Variants in NBPF12 observed in about 807,000 individuals in gnomAD.
The protein encoded by NBPF12 is NBPF family member NBPF12.
NBPF12 carries 115 observed loss-of-function variants against 146.4 expected under a neutral mutation model. That is an observed-to-expected ratio of 0.79 (90% CI 0.68 to 0.92). The LOEUF is 0.92. NBPF12 is among the 40% of genes least tolerant of loss of function. The pLI is 0.00. For missense variants in NBPF12, 1,205 were observed against 1,326.8 expected (o/e 0.91, Z 1.43); for synonymous variants, 385 against 508.9 (o/e 0.76, Z 3.28).
chr1:146,950,951 G>A (rs1655300137), intron 1 of NBPF12, among the ~76,000 whole-genome samples: 1 of 152,044 alleles, frequency 6.6e-6, no homozygotes. Context: ...TCATAGAATA[G>A]GTAGTTGTTT....
chr1:146,996,053 A>C (rs1243344495), exon 34 of NBPF12: 1 of 142,446 alleles, frequency 7.0e-6, no homozygotes, highest in Non-Finnish European at 1.5e-5. Context: ...TTTTGTCCAA[A>C]GTTAATTTTA....
chr1:146,948,248 T>C (rs1257083843), upstream of NBPF12, among the ~76,000 whole-genome samples: 3 of 151,542 alleles, frequency 2.0e-5, no homozygotes, highest in African/African-American at 2.4e-5. Context: ...TGACCTCAAG[T>C]GATCCACCTG....
At chr1:146,972,334 C>T (rs1288498048) in intron 13 of NBPF12, among the ~76,000 whole-genome samples, 3 of 151,146 alleles carry the variant, frequency 2.0e-5, no homozygotes, top group Non-Finnish European at 4.4e-5. Context: ...GCAGAGGTGG[C>T]AGTGAGCTGA....
Position 146,994,400 on chromosome 1 carries a change from C to G in NBPF12, c.4199C>G (p.Ser1400Trp), listed in dbSNP as rs200985386. ...CAGGACTCACTGGATAGATGTTATT[C>G]GACTCCATCAATGTACTTTGAACTA... is the stretch of plus-strand genomic sequence containing the variant. The change falls in exon 34 of 34, where the codon TCG becomes TGG. Residue 1400 changes from serine to tryptophan, a missense_variant. Ser to Trp is a radical substitution (Grantham distance 177). Around this residue, in one of 16 missense-constraint regions of NBPF12, gnomAD observed 210 missense variants for 94.4 expected, o/e 2.22. Transcript: ENST00000617844. 9.3e-6 allele frequency: 15 copies of G among 1,612,174 alleles called. No individual in the cohort carries two copies. In the African/African-American group the frequency reaches 1.9e-4, roughly 20 times the overall value.
intron 18 of NBPF12, among the ~76,000 whole-genome samples, chr1:146,978,002 T>C (rs1657154066): frequency 6.6e-6 from 1 of 152,004 alleles, no homozygotes; most frequent in East Asian, 1.9e-4. Context: ...ACAATGTCCA[T>C]GGAGTTTCTA....
upstream of NBPF12, among the ~76,000 whole-genome samples, chr1:146,945,315 T>G (rs1242823960): frequency 3.3e-5 from 5 of 151,146 alleles, no homozygotes; most frequent in Non-Finnish European, 7.4e-5. Context: ...TCCTCTGATT[T>G]GTGGGTGCCA....
At chr1:146,965,497 T>A (rs1360519971) in intron 8 of NBPF12, among the ~76,000 whole-genome samples, 1 of 150,920 alleles carries the variant, frequency 6.6e-6, no homozygotes, top group Non-Finnish European at 1.5e-5. Context: ...TATTAATAAG[T>A]CTTGGCTGGG....
chr1:146,994,475 A>T, exon 34 of NBPF12: 1 of 1,609,554 alleles, frequency 6.2e-7, no homozygotes. Flanking sequence ...TTTGAGGAAC[A>T]GCACATCACC....
At chr1:146,994,910 C>G (rs1341496246) in exon 34 of NBPF12, 46 of 407,660 alleles carry the variant, frequency 1.1e-4, no homozygotes, top group African/African-American at 8.4e-4. Flanking sequence ...TATACCTACT[C>G]AAGGTCAGTG....
rs1655972882 is a variant in NBPF12, at chr1:146,963,203, C to G, written c.387C>G (p.Ala129=). ...GCTCATTGAATGAGCATCTCCAGGC[C>G]CTCCTCACTCCGGATGAGCCGGACA... Residue 129 remains alanine (A), a synonymous_variant, in exon 6 of 34, where the codon GCC becomes GCG. Transcript: ENST00000617844. The G allele has an allele frequency of 1.9e-6, 3 of 1,597,024 alleles. No individual in the cohort carries two copies. The East Asian group carries it at 6.7e-5, about 36-fold the overall frequency.
At chr1:146,994,284 G>C in intron 33 of NBPF12, 48 bp from the exon 37 acceptor site, 1 of 1,611,096 alleles carries the variant, frequency 6.2e-7, no homozygotes, top group Non-Finnish European at 8.5e-7. Flanking sequence ...AGGCTCTGTG[G>C]TGTCTGACTT....
At chr1:146,966,327 A>G in intron 8 of NBPF12, 137 bp from the exon 12 acceptor site, 2 of 825,092 alleles carry the variant, frequency 2.4e-6, no homozygotes, top group Non-Finnish European at 4.2e-6. Context: ...AAGACTGGAG[A>G]TGACAAGAGT....
At chr1:146,940,362 G>C (rs1287012840) in intron 1 of NBPF12, among the ~76,000 whole-genome samples, 2 of 151,766 alleles carry the variant, frequency 1.3e-5, no homozygotes, top group Admixed American at 6.6e-5. Flanking sequence ...CCAGCATTTC[G>C]GGAGGCCAAG....
intron 33 of NBPF12, among the ~76,000 whole-genome samples, chr1:146,994,126 CTG>C (rs1658364537): frequency 8.1e-6 from 1 of 122,996 alleles, no homozygotes; most frequent in Non-Finnish European, 1.6e-5. Context: ...GTCTCTGTCT[CTG>C]TCTCTCTCTC....
chr1:146,945,476 A>G (rs1553883271), upstream of NBPF12, among the ~76,000 whole-genome samples: 12,842 of 151,714 alleles, frequency 0.085, 672 homozygotes, highest in East Asian at 0.22. Context: ...TTCCGGGGGC[A>G]CCCCAGGGTT....
chr1:146,961,084 T>G (rs1655819420), intron 4 of NBPF12, among the ~76,000 whole-genome samples: 1 of 152,022 alleles, frequency 6.6e-6, no homozygotes, highest in East Asian at 1.9e-4. Context: ...AGGCAGGTGT[T>G]GCAGTGAGCC....
intron 13 of NBPF12, among the ~76,000 whole-genome samples, chr1:146,972,377 G>A (rs2101880418): frequency 6.6e-6 from 1 of 151,390 alleles, no homozygotes; most frequent in Non-Finnish European, 1.5e-5. Flanking sequence ...CTGCGTGACA[G>A]AGTGAGACGC....
chr1:146,987,465 C>T (rs1196987100), intron 25 of NBPF12, among the ~76,000 whole-genome samples, 180 bp downstream of exon 28: 2 of 152,184 alleles, frequency 1.3e-5, no homozygotes, highest in African/African-American at 4.8e-5. Flanking sequence ...TCTTCCTCCC[C>T]TTATCATTTA....
At chr1:146,994,786 C>G in exon 34 of NBPF12, 1 of 849,476 alleles carries the variant, frequency 1.2e-6, no homozygotes, top group Non-Finnish European at 1.8e-6. Context: ...GTTCACATAA[C>G]TGTGCAGCAC....
Sources: gnomAD v4.1 joint callset for allele counts (sites outside exome capture counted in the v4.1 genomes callset) on GRCh38, gnomAD v4.1.1 for gene constraint, gnomAD v4.1.1 regional missense constraint, MANE v1.5 for transcripts, NCBI Gene and HGNC (gene_info 2026-07-23, HGNC 2026-07-21) for gene names.